Variants in EFCAB10 observed in about 807,000 individuals in gnomAD.
EFCAB10 encodes EF-hand calcium binding domain 10.
Under a neutral mutation model 7.7 loss-of-function variants are expected in EFCAB10, and 7 were observed. That is an observed-to-expected ratio of 0.91 (90% CI 0.52 to 1.72). The LOEUF is 1.72. EFCAB10 is among the 40% of genes most tolerant of loss of function. The pLI is 0.00. For missense variants in EFCAB10, 112 were observed against 61.5 expected, an observed-to-expected ratio of 1.82 and a Z score of -2.74; for synonymous variants, 52 against 21.0, an observed-to-expected ratio of 2.47 and a Z score of -4.03.
intron 1 of EFCAB10, among the ~76,000 whole-genome samples, chr7:105,579,195 C>T (rs188393131): frequency 1.2e-4 from 18 of 152,282 alleles, no homozygotes; most frequent in African/African-American, 4.1e-4. Context: ...CAGAAGAAAG[C>T]GGTAAAGCAA....
Position 105,570,576 on chromosome 7 carries a change from A to AT in EFCAB10, c.107-1006dup, listed in dbSNP as rs949477484. On this transcript the variant is annotated intron_variant, in intron 1 of 4. Transcript: ENST00000480514. ...TTTCAATCTTAAGCTTTACTCTTAC[A>AT]TTTTTTTTTTTAAGTTAGAGACAGG... Among the ~76,000 whole-genome samples, 556 of 146,778 alleles carry AT rather than the reference A, an allele frequency of 3.8e-3. 3 individuals carry two copies. The highest frequency in any genetic ancestry group is 0.012 in the African/African-American group (471 of 40,200).
intron 3 of EFCAB10, among the ~76,000 whole-genome samples, chr7:105,567,834 C>T (rs1791832392): frequency 6.6e-6 from 1 of 152,058 alleles, no homozygotes; most frequent in Non-Finnish European, 1.5e-5. Flanking sequence ...AGTGCGAAAA[C>T]ATCCTGGCCA....
In EFCAB10 at chr7:105,565,641, T is replaced by C. The variant is rs539601125; in HGVS notation, c.*-194A>G. On this transcript the variant is annotated intron_variant, in intron 4 of 4. Coordinates refer to ENST00000480514, the MANE Select transcript of EFCAB10 (RefSeq NM_001355526.2). Reference sequence around the variant, plus strand: ...CTATTGCAAGAGACCAGAAAATTATTTTAAACAGTAAGCTCAACATTTAAC... The same window carrying C: ...CTATTGCAAGAGACCAGAAAATTATCTTAAACAGTAAGCTCAACATTTAAC... The C allele has an allele frequency of 2.2e-5, 35 of 1,583,216 alleles. No individual in the cohort carries two copies. In the South Asian group the frequency reaches 3.2e-4, roughly 15 times the overall value.
chr7:105,570,236 AAAAAATATATAT>A (rs1791905402), intron 1 of EFCAB10, among the ~76,000 whole-genome samples: 1 of 43,058 alleles, frequency 2.3e-5, no homozygotes, highest in African/African-American at 9.8e-5. Flanking sequence ...AAAAAAAAAA[AAAAAATATATAT>A]ATATATATAT....
At chr7:105,568,826 C>CT (rs1418227739) in intron 3 of EFCAB10, among the ~76,000 whole-genome samples, 1 of 152,028 alleles carries the variant, frequency 6.6e-6, no homozygotes, top group Non-Finnish European at 1.5e-5. Context: ...TGATGCGCAT[C>CT]TGTAAGCCCA....
At chr7:105,565,854 G>A (rs776835992) in intron 4 of EFCAB10, among the ~76,000 whole-genome samples, 60 of 152,344 alleles carry the variant, frequency 3.9e-4, no homozygotes, top group Non-Finnish European at 7.2e-4. Context: ...TTCAGAACTA[G>A]ATATAAATTA....
intron 1 of EFCAB10, among the ~76,000 whole-genome samples, chr7:105,577,119 G>T (rs1005728897): frequency 1.1e-4 from 17 of 151,856 alleles, no homozygotes; most frequent in Admixed American, 5.9e-4. Context: ...TATGTGATAG[G>T]TATATAATTA....
At chr7:105,578,518 T>C (rs946683652) in intron 1 of EFCAB10, among the ~76,000 whole-genome samples, 1 of 152,020 alleles carries the variant, frequency 6.6e-6, no homozygotes, top group African/African-American at 2.4e-5. Context: ...AATAAGACCA[T>C]AAAGTACCTA....
In EFCAB10 at chr7:105,569,454, A is replaced by G. The variant is rs1328725614; in HGVS notation, c.224T>C (p.Met75Thr). 1.4e-6 allele frequency: 1 copy of G among 703,186 alleles called. No homozygotes were observed. The highest frequency in any genetic ancestry group is 2.6e-6 in the Non-Finnish European group (1 of 385,052). 43.6% of individuals were successfully genotyped at this position (703,186 alleles called of 1,614,324 possible). Residue 75 changes from methionine to threonine, a missense_variant, in exon 2 of 5, where the codon ATG becomes ACG. Physicochemically the swap from Met to Thr is moderately conservative, Grantham distance 81. Transcript: ENST00000480514. Reference sequence around the variant, plus strand: ...TATGGTGCCTCTGCCTGAGGAGTCCATCATCTCAAACATAGCCACAATGTT... The same window carrying G: ...TATGGTGCCTCTGCCTGAGGAGTCCGTCATCTCAAACATAGCCACAATGTT... ...NSNIVAMFEM[M>T]DSSGRGTISF...
Position 105,576,203 on chromosome 7 carries a change from A to G in EFCAB10, c.106+5155T>C, listed in dbSNP as rs1326019302. 2.0e-5 allele frequency among the ~76,000 whole-genome samples: 3 copies of G among 152,206 alleles called. No individual in the cohort carries two copies. The East Asian group carries it at 5.8e-4, about 29-fold the overall frequency. Reference sequence around the variant, plus strand: ...TGTATTTTTAGGACAAAACGACTTCAAAGAAACTTCTTATGCCACATCAGG... The same window carrying G: ...TGTATTTTTAGGACAAAACGACTTCGAAGAAACTTCTTATGCCACATCAGG... On this transcript the variant is annotated intron_variant, in intron 1 of 4. Coordinates refer to ENST00000480514, the MANE Select transcript of EFCAB10 (RefSeq NM_001355526.2).
intron 1 of EFCAB10, chr7:105,571,981 AG>A (rs1311232453): frequency 6.6e-6 from 1 of 152,110 alleles, no homozygotes; most frequent in Admixed American, 6.5e-5. Flanking sequence ...AATTTGATAG[AG>A]CTTATGTTGA....
chr7:105,578,705 A>G (rs1792147603), intron 1 of EFCAB10, among the ~76,000 whole-genome samples: 1 of 152,230 alleles, frequency 6.6e-6, no homozygotes, highest in Non-Finnish European at 1.5e-5. Context: ...AACATGAGAA[A>G]TTAGAAGACA....
chr7:105,573,815 T>G (rs1279539461), intron 1 of EFCAB10, among the ~76,000 whole-genome samples: 1 of 152,178 alleles, frequency 6.6e-6, no homozygotes, highest in Non-Finnish European at 1.5e-5. Context: ...ATCCAGGCAA[T>G]GTGCTTCTAA....
intron 4 of EFCAB10, 131 bp from the exon 5 acceptor site, chr7:105,565,578 T>G (rs745405558): frequency 3.7e-6 from 6 of 1,613,948 alleles, no homozygotes. Context: ...CCAGCTGCAG[T>G]TTGATATGAC....
intron 1 of EFCAB10, among the ~76,000 whole-genome samples, chr7:105,580,588 T>C (rs1792200192): frequency 6.6e-6 from 1 of 152,160 alleles, no homozygotes; most frequent in Non-Finnish European, 1.5e-5. Flanking sequence ...TTTAATACTT[T>C]AAAACAACTA....
intron 1 of EFCAB10, chr7:105,571,458 A>G (rs1343749511): frequency 6.6e-6 from 1 of 152,224 alleles, no homozygotes; most frequent in African/African-American, 2.4e-5. Context: ...TATCATCCCA[A>G]AGACAAACCC....
At position 105,565,402 on chromosome 7, in the gene EFCAB10, T is replaced by C. The variant is rs2133477666; in HGVS notation, c.*45A>G. ...GAGCAGCAGCTTTGTTTCTCCTTAT[T>C]TAAAATTTTCTGGCAAATGCTTGTA... On this transcript the variant is annotated 3_prime_UTR_variant, in exon 5 of 5. Transcript: ENST00000480514. The C allele has an allele frequency of 6.2e-7, 1 of 1,614,230 alleles. No individual in the cohort carries two copies.
At position 105,581,325 on chromosome 7, in the gene EFCAB10, G is replaced by A. The variant is rs950484516; in HGVS notation, c.106+33C>T. The A allele has an allele frequency of 1.9e-5, 13 of 702,398 alleles. No homozygotes were observed. The Admixed American group carries it at 2.6e-4, about 14-fold the overall frequency. 43.5% of individuals were successfully genotyped at this position (702,398 alleles called of 1,614,324 possible). A position where few individuals can be genotyped will look rare whatever the true frequency, so the allele number is the denominator to read the frequency against. ...GTGTGGGAAGCGAACCCCACATGGA[G>A]GTATGGCTGTACCGGGGCATGGGGG... On this transcript the variant is annotated intron_variant, in intron 1 of 4. Coordinates refer to ENST00000480514, the MANE Select transcript of EFCAB10 (RefSeq NM_001355526.2).
In EFCAB10 at chr7:105,575,773, C is replaced by T. The variant is rs552017657; in HGVS notation, c.106+5585G>A. ...GGGGCTTCAGCTGGGTGCGGTGGCT[C>T]ATGCCTGTAATCCCAGCACTTTGGG... On this transcript the variant is annotated intron_variant, in intron 1 of 4. Coordinates refer to ENST00000480514, the MANE Select transcript of EFCAB10 (RefSeq NM_001355526.2). Among the ~76,000 whole-genome samples the T allele has an allele frequency of 2.0e-5, 3 of 152,296 alleles. No homozygotes were observed. The East Asian group carries it at 5.8e-4, about 29-fold the overall frequency.
Sources: gnomAD v4.1 joint callset for allele counts (sites outside exome capture counted in the v4.1 genomes callset) on GRCh38, gnomAD v4.1.1 for gene constraint, MANE v1.5 for transcripts, NCBI Gene and HGNC (gene_info 2026-07-23, HGNC 2026-07-21) for gene names.